Variants in ZBTB44 observed in about 807,000 individuals in gnomAD.
The protein encoded by ZBTB44 is zinc finger and BTB domain-containing protein 44.
Under a neutral mutation model 54.0 loss-of-function variants are expected in ZBTB44, and 15 were observed. That is an observed-to-expected ratio of 0.28 (90% CI 0.19 to 0.43). The LOEUF (loss-of-function observed/expected upper bound fraction) is 0.43, where lower values mean the gene tolerates loss of function less well. Among genes scored for constraint, ZBTB44 ranks in the 20% least tolerant of loss-of-function variants. ZBTB44 has a pLI of 1.00. For missense variants in ZBTB44, 487 were observed against 707.1 expected, an observed-to-expected ratio of 0.69 and a Z score of 3.53; for synonymous variants, 230 against 250.1, an observed-to-expected ratio of 0.92 and a Z score of 0.76.
intron 1 of ZBTB44, among the ~76,000 whole-genome samples, chr11:130,298,287 C>T (rs925576632): frequency 1.3e-5 from 2 of 151,766 alleles, no homozygotes; most frequent in African/African-American, 4.8e-5. Context: ...GGACTACAGG[C>T]ATGCACCACC....
At chr11:130,239,565 G>A in intron 3 of ZBTB44, 2 of 275,290 alleles carry the variant, frequency 7.3e-6, no homozygotes, top group Non-Finnish European at 1.4e-5. Flanking sequence ...GTGGTTCATA[G>A]TTTGCCAACA....
chr11:130,243,158 T>A (rs1414263935), intron 2 of ZBTB44, among the ~76,000 whole-genome samples: 1 of 152,264 alleles, frequency 6.6e-6, no homozygotes, highest in Non-Finnish European at 1.5e-5. Context: ...ACAGTAAGCA[T>A]ATTTACTTTA....
intron 2 of ZBTB44, among the ~76,000 whole-genome samples, chr11:130,254,332 T>G (rs1460387192): frequency 6.6e-6 from 1 of 152,128 alleles, no homozygotes; most frequent in Non-Finnish European, 1.5e-5. Flanking sequence ...GACAAAGGGC[T>G]AATATCCAGA....
intron 1 of ZBTB44, among the ~76,000 whole-genome samples, chr11:130,290,106 T>C (rs1941213970): frequency 6.6e-6 from 1 of 152,090 alleles, no homozygotes; most frequent in Non-Finnish European, 1.5e-5. Flanking sequence ...CTAAATACAG[T>C]CACAAGTCTC....
At chr11:130,301,946 G>T (rs112667832) in intron 1 of ZBTB44, among the ~76,000 whole-genome samples, 5,875 of 151,640 alleles carry the variant, frequency 0.039, 279 homozygotes, top group African/African-American at 0.11. Context: ...AGGAGGCTAA[G>T]GTGGGAGGAT....
chr11:130,271,144 TTC>T (rs1243508958), intron 1 of ZBTB44, among the ~76,000 whole-genome samples: 12 of 152,192 alleles, frequency 7.9e-5, no homozygotes, highest in African/African-American at 1.2e-4. Flanking sequence ...GTTATAAAAT[TTC>T]TGTCTGGTTT....
chr11:130,252,282 C>T (rs770113849), intron 2 of ZBTB44, among the ~76,000 whole-genome samples: 12 of 152,144 alleles, frequency 7.9e-5, no homozygotes, highest in Non-Finnish European at 1.8e-4. Flanking sequence ...AAAACAAGTT[C>T]TTAGAGACCT....
At position 130,270,805 on chromosome 11, in the gene ZBTB44, G is replaced by C. The variant is rs138487333; in HGVS notation, c.-56-8876C>G. 1.6e-3 allele frequency among the ~76,000 whole-genome samples: 240 copies of C among 152,310 alleles called. 5 individuals carry two copies. The South Asian group carries it at 0.034, about 22-fold the overall frequency. On this transcript the variant is annotated intron_variant, in intron 1 of 7. Coordinates refer to ENST00000357899, the MANE Select transcript of ZBTB44 (RefSeq NM_001301098.2). ...AGAGCTGGTTTCGATAGGGGTTGAT[G>C]ATGGGGAAAGAAATGTTTCAATTTT...
At chr11:130,234,348 T>C in intron 5 of ZBTB44, 75 bp from the exon 6 acceptor site, 2 of 1,379,734 alleles carry the variant, frequency 1.4e-6, no homozygotes, top group Non-Finnish European at 1.9e-6. Context: ...TAAAAAGCTC[T>C]GATTTATACA....
chr11:130,238,607 T>C lies in ZBTB44; in HGVS notation c.1104A>G (p.Arg368=), dbSNP rs757881886. Residue 368 remains arginine, a splice_region_variant and synonymous_variant, in exon 4 of 8, where the codon CGA becomes CGG. Coordinates refer to ENST00000357899, the MANE Select transcript of ZBTB44 (RefSeq NM_001301098.2). The stretch of plus-strand genomic sequence containing the variant: ...GGTAGGGATACTGAACATTTTCCAA[T>C]CTAAAAAAAACAGACCAAAGAAGGC... ...STNAPPDDDD[R]LENVQYPYQL... 2 of 1,608,442 alleles carry C rather than the reference T, an allele frequency of 1.2e-6. No homozygotes were observed. The highest frequency in any genetic ancestry group is 2.2e-5 in the South Asian group (2 of 89,888).
intron 1 of ZBTB44, among the ~76,000 whole-genome samples, chr11:130,313,751 G>A (rs79411714): frequency 1.3e-5 from 2 of 151,962 alleles, no homozygotes; most frequent in Non-Finnish European, 2.9e-5. Context: ...GGGTTTTATT[G>A]TAAATTCTGC....
intron 1 of ZBTB44, among the ~76,000 whole-genome samples, chr11:130,281,964 T>C (rs1250227698): frequency 6.6e-6 from 1 of 152,120 alleles, no homozygotes; most frequent in East Asian, 1.9e-4. Flanking sequence ...AATACCCTAT[T>C]TGCATGAGCC....
rs532575939 is a variant in ZBTB44 at position 130,268,900 on chromosome 11, A to AGG, written c.-56-6972_-56-6971insCC. ...CGGCCTCAAATTTTAAGAGAGAGAG[A>AGG]GAGAGAAAAAAAGAAAATGTCATAC... On this transcript the variant is annotated intron_variant, in intron 1 of 7. Coordinates refer to ENST00000357899, the MANE Select transcript of ZBTB44 (RefSeq NM_001301098.2). 2.8e-3 allele frequency among the ~76,000 whole-genome samples: 425 copies of AGG among 151,620 alleles called. 1 individual carries two copies. The highest frequency in any genetic ancestry group is 5.1e-3 in the Non-Finnish European group (344 of 67,928).
intron 1 of ZBTB44, among the ~76,000 whole-genome samples, chr11:130,283,387 T>A (rs1269083027): frequency 6.6e-6 from 1 of 152,128 alleles, no homozygotes; most frequent in Non-Finnish European, 1.5e-5. Context: ...TGACATTAAG[T>A]ACAATCACAC....
At chr11:130,298,423 G>A in intron 1 of ZBTB44, among the ~76,000 whole-genome samples, 1 of 150,558 alleles carries the variant, frequency 6.6e-6, no homozygotes, top group East Asian at 2.0e-4. Context: ...GAGATTACAG[G>A]TGTGAGCCAC....
At chr11:130,306,808 G>T (rs138464729) in intron 1 of ZBTB44, among the ~76,000 whole-genome samples, 3 of 151,960 alleles carry the variant, frequency 2.0e-5, no homozygotes, top group African/African-American at 7.2e-5. Flanking sequence ...ACCAAATATC[G>T]TATGTTCTCA....
intron 1 of ZBTB44, among the ~76,000 whole-genome samples, chr11:130,312,492 T>G (rs1942667829): frequency 6.6e-6 from 1 of 152,208 alleles, no homozygotes; most frequent in Non-Finnish European, 1.5e-5. Context: ...CCTTTACACC[T>G]AACTTCCAGT....
chr11:130,244,759 C>A (rs1234389324), intron 2 of ZBTB44, among the ~76,000 whole-genome samples: 1 of 151,630 alleles, frequency 6.6e-6, no homozygotes, highest in Admixed American at 6.6e-5. Context: ...GTATCATCTG[C>A]TAATGAACAT....
chr11:130,241,897 T>C (rs1304683814), intron 2 of ZBTB44, among the ~76,000 whole-genome samples: 1 of 152,202 alleles, frequency 6.6e-6, no homozygotes, highest in African/African-American at 2.4e-5. Context: ...GCCTCCTGTG[T>C]TGTATGTCAT....
Sources: gnomAD v4.1 joint callset for allele counts (sites outside exome capture counted in the v4.1 genomes callset) on GRCh38, gnomAD v4.1.1 for gene constraint, MANE v1.5 for transcripts, NCBI Gene and HGNC (gene_info 2026-07-23, HGNC 2026-07-21) for gene names.